The following TCAF1 variants were observed in gnomAD, a reference collection of about 807,000 sequenced individuals.
The protein encoded by TCAF1 is TRPM8 channel associated factor 1, also known as TRPM8 channel-associated factor 1.
TCAF1 carries 4 observed loss-of-function variants against 27.3 expected under a neutral mutation model. The ratio of observed to expected loss-of-function variants is 0.15; its 90% CI spans 0.07 to 0.34. TCAF1 has a LOEUF of 0.34. Ranked by LOEUF, TCAF1 falls within the 10% of genes least tolerant of loss-of-function variation. The pLI is 1.00. For missense variants in TCAF1, 257 were observed against 425.8 expected (o/e 0.60, Z 3.49); for synonymous variants, 105 against 167.1 (o/e 0.63, Z 2.87).
At chr7:143,876,662 G>A (rs1238800038) in intron 1 of TCAF1, 40 bp from the exon 2 acceptor site, 3 of 1,441,770 alleles carry the variant, frequency 2.1e-6, no homozygotes, top group African/African-American at 2.8e-5. Flanking sequence ...AGCGAAGAAT[G>A]GATAAACAAA....
chr7:143,893,921 T>G (rs1402505287), intron 1 of TCAF1, among the ~76,000 whole-genome samples: 1 of 151,648 alleles, frequency 6.6e-6, no homozygotes, highest in Non-Finnish European at 1.5e-5. Flanking sequence ...AAAGCAAGAA[T>G]CAAATTTTAA....
intron 1 of TCAF1, chr7:143,882,914 C>A: frequency 1.0e-6 from 1 of 970,562 alleles, no homozygotes; most frequent in Non-Finnish European, 1.2e-6. Flanking sequence ...TCCCCTCCTC[C>A]CCACTTCCTC....
intron 1 of TCAF1, chr7:143,886,591 AAAAC>A (rs1813412899): frequency 2.1e-6 from 2 of 937,328 alleles, no homozygotes; most frequent in Non-Finnish European, 2.5e-6. Flanking sequence ...ATTCCTCAAA[AAAAC>A]AAACAGCAGC....
At chr7:143,891,782 G>A (rs898345263) in intron 1 of TCAF1, among the ~76,000 whole-genome samples, 6 of 152,044 alleles carry the variant, frequency 3.9e-5, no homozygotes, top group South Asian at 2.1e-4. Context: ...TATGTTCCCC[G>A]AGCAGAATAC....
Position 143,876,710 on chromosome 7 carries a change from C to T in TCAF1, c.-14-88G>A, listed in dbSNP as rs900015772. The stretch of plus-strand genomic sequence containing the variant: ...GCAGTTCACTCTTCCAGTAGCTGGG[C>T]TATTCTTCCCACTATGCAGATGAGG... On this transcript the variant is annotated intron_variant, in intron 1 of 8. Transcript: ENST00000479870. 8.6e-6 allele frequency: 9 copies of T among 1,045,276 alleles called. No homozygotes were observed. In the African/African-American group the frequency reaches 1.4e-4, roughly 17 times the overall value. The allele number at this position is 1,045,276 out of a possible 1,614,324, so 64.8% of individuals were successfully genotyped here. A position where few individuals can be genotyped will look rare whatever the true frequency, so the allele number is the denominator to read the frequency against.
At chr7:143,880,177 C>A (rs991386228) in intron 1 of TCAF1, among the ~76,000 whole-genome samples, 7 of 152,188 alleles carry the variant, frequency 4.6e-5, no homozygotes, top group Admixed American at 3.3e-4. Flanking sequence ...CATTACTACA[C>A]GTGATTTCTG....
intron 1 of TCAF1, among the ~76,000 whole-genome samples, chr7:143,877,611 C>A (rs1487647935): frequency 6.6e-6 from 1 of 152,226 alleles, no homozygotes; most frequent in Non-Finnish European, 1.5e-5. Context: ...GGCTTCTTCA[C>A]AATGAGATCC....
Position 143,876,514 on chromosome 7 carries a change from A to G in TCAF1, c.95T>C (p.Ile32Thr), listed in dbSNP as rs746854510. 12 of 1,576,880 alleles carry G rather than the reference A, an allele frequency of 7.6e-6. No homozygotes were observed. Among genetic ancestry groups the G allele is most frequent in the Middle Eastern group, 1.7e-4 (1 of 5,832 alleles). Residue 32 changes from isoleucine (I) to threonine (T), a missense_variant, in exon 2 of 9, where the codon ATT becomes ACT. Physicochemically the swap from Ile to Thr is moderately conservative, Grantham distance 89. Around this residue, in one of 2 missense-constraint regions of TCAF1, gnomAD observed 255 missense variants for 260.1 expected, o/e 0.98. Transcript: ENST00000479870. Reference sequence around the variant, plus strand: ...CATCACAGGAAATGAAGCCTCTCCAATAAGAAGCAGTTCACATGGAACAGC... The same window carrying G: ...CATCACAGGAAATGAAGCCTCTCCAGTAAGAAGCAGTTCACATGGAACAGC... ...EDAVPCELLL[I>T]GEASFPVMVN... is the part of the protein sequence containing the mutation.
chr7:143,881,732 G>GC (rs1412416275), intron 1 of TCAF1, among the ~76,000 whole-genome samples: 2 of 152,042 alleles, frequency 1.3e-5, no homozygotes, highest in African/African-American at 2.4e-5. Context: ...ATAGGAGTAA[G>GC]CAGGGTTGGA....
intron 1 of TCAF1, among the ~76,000 whole-genome samples, chr7:143,893,242 T>A (rs1470922752): frequency 6.6e-6 from 1 of 152,142 alleles, no homozygotes; most frequent in Non-Finnish European, 1.5e-5. Context: ...TTTAAATTTG[T>A]ATCCTTAATA....
rs374825743 is a variant in TCAF1, at chr7:143,883,500, C to CTTTTTTTTTTTT, written c.-14-6890_-14-6879dup. Among the ~76,000 whole-genome samples, 38 of 98,078 alleles carry CTTTTTTTTTTTT rather than the reference C, an allele frequency of 3.9e-4. 2 individuals carry two copies. The highest frequency in any genetic ancestry group is 3.7e-3 in the East Asian group (12 of 3,214). 64.3% of individuals were successfully genotyped at this position (98,078 alleles called of 152,430 possible). ...AATCGCATTTCTTTCTTTCCTTTTT[C>CTTTTTTTTTTTT]TTTTTTTTTTTTTTTTTTTTTTTGA... is the stretch of plus-strand genomic sequence containing the variant. On this transcript the variant is annotated intron_variant, in intron 1 of 8. Coordinates refer to ENST00000479870, the MANE Select transcript of TCAF1 (RefSeq NM_014719.3).
intron 1 of TCAF1, among the ~76,000 whole-genome samples, chr7:143,879,290 TATATC>T (rs1812888734): frequency 6.6e-6 from 1 of 152,124 alleles, no homozygotes; most frequent in Non-Finnish European, 1.5e-5. Context: ...TAATGGAAAA[TATATC>T]ATGTGTTGCT....
At chr7:143,887,733 T>C (rs1184481714) in intron 1 of TCAF1, among the ~76,000 whole-genome samples, 1 of 152,156 alleles carries the variant, frequency 6.6e-6, no homozygotes, top group Admixed American at 6.5e-5. Context: ...TTTAAATAAA[T>C]TGTGGCATAT....
intron 1 of TCAF1, among the ~76,000 whole-genome samples, chr7:143,888,353 TG>T (rs1292221203): frequency 6.6e-6 from 1 of 152,174 alleles, no homozygotes; most frequent in East Asian, 1.9e-4. Flanking sequence ...AGTGACTCTA[TG>T]GGGTTTCCAG....
chr7:143,886,866 ATTTTTTT>A (rs56317170), intron 1 of TCAF1, among the ~76,000 whole-genome samples: 3 of 114,892 alleles, frequency 2.6e-5, no homozygotes, highest in African/African-American at 9.4e-5. Flanking sequence ...GAGTTTTTGT[ATTTTTTT>A]TTTTTTTTTT....
intron 1 of TCAF1, chr7:143,882,777 C>G: frequency 1.0e-6 from 1 of 985,748 alleles, no homozygotes; most frequent in Non-Finnish European, 1.2e-6. Context: ...TGGGAGCGGG[C>G]AGAGCCTGGC....
intron 1 of TCAF1, among the ~76,000 whole-genome samples, chr7:143,899,106 G>A (rs1257251248): frequency 6.6e-6 from 1 of 152,142 alleles, no homozygotes; most frequent in Non-Finnish European, 1.5e-5. Flanking sequence ...TTCTGCTATG[G>A]TAGCACAAAA....
chr7:143,878,556 T>C (rs1465215212), intron 1 of TCAF1, among the ~76,000 whole-genome samples: 1 of 152,198 alleles, frequency 6.6e-6, no homozygotes, highest in East Asian at 1.9e-4. Context: ...AATTTATTAA[T>C]TTCCCTCTAA....
chr7:143,886,425 G>T, intron 1 of TCAF1: 1 of 809,758 alleles, frequency 1.2e-6, no homozygotes, highest in Non-Finnish European at 1.5e-6. Context: ...TATAAATTAA[G>T]GGTTTCATTT....
Sources: allele counts gnomAD v4.1 joint callset (sites outside exome capture counted in the v4.1 genomes callset), GRCh38; gene constraint gnomAD v4.1.1; regional missense constraint gnomAD v4.1.1; transcripts MANE v1.5; gene names NCBI Gene and HGNC (gene_info 2026-07-23, HGNC 2026-07-21).